The following ARMH3 variants were observed in gnomAD, a reference collection of about 807,000 sequenced individuals.
ARMH3 encodes armadillo like helical domain containing 3.
In ARMH3, 60 loss-of-function variants were observed where a neutral mutation model predicts 99.1. The observed-to-expected ratio is 0.61, with a 90% CI of 0.49 to 0.75. The LOEUF is 0.75. Among genes scored for constraint, ARMH3 ranks in the 30% least tolerant of loss-of-function variants. The pLI is 0.00. For synonymous variants in ARMH3, 285 were observed against 292.8 expected (o/e 0.97, Z 0.27); for missense variants, 679 against 843.1 (o/e 0.81, Z 2.41).
intron 24 of ARMH3, among the ~76,000 whole-genome samples, chr10:101,884,719 C>T (rs139507107): frequency 3.5e-4 from 53 of 152,092 alleles, no homozygotes; most frequent in Non-Finnish European, 1.2e-4. Flanking sequence ...TTGGCAATAA[C>T]TTCTTGGACT....
At chr10:101,900,855 A>C (rs1232255784) in intron 23 of ARMH3, among the ~76,000 whole-genome samples, 1 of 152,088 alleles carries the variant, frequency 6.6e-6, no homozygotes, top group Non-Finnish European at 1.5e-5. Context: ...CATAATGTGC[A>C]CACCTATAGC....
At chr10:101,971,287 A>C (rs186046266) in intron 20 of ARMH3, among the ~76,000 whole-genome samples, 3 of 152,124 alleles carry the variant, frequency 2.0e-5, no homozygotes, top group African/African-American at 7.2e-5. Flanking sequence ...GTAAATAAAG[A>C]AAAAATACTG....
At chr10:102,021,101 G>A (rs2066874394) in intron 8 of ARMH3, among the ~76,000 whole-genome samples, 1 of 152,122 alleles carries the variant, frequency 6.6e-6, no homozygotes, top group African/African-American at 2.4e-5. Flanking sequence ...TTTTGAGACA[G>A]GATGTGGCTT....
At chr10:102,031,597 T>A (rs1359628293) in intron 4 of ARMH3, among the ~76,000 whole-genome samples, 1 of 152,196 alleles carries the variant, frequency 6.6e-6, no homozygotes, top group Non-Finnish European at 1.5e-5. Context: ...TTCTGGGACA[T>A]CAACTCAAGA....
At chr10:101,895,064 G>C (rs2067790643) in intron 23 of ARMH3, among the ~76,000 whole-genome samples, 1 of 152,000 alleles carries the variant, frequency 6.6e-6, no homozygotes, top group African/African-American at 2.4e-5. Context: ...CAATGAATGA[G>C]AAAACATAGC....
chr10:101,892,154 G>A (rs1284760177), intron 23 of ARMH3, among the ~76,000 whole-genome samples: 1 of 151,772 alleles, frequency 6.6e-6, no homozygotes, highest in Non-Finnish European at 1.5e-5. Context: ...ACAACAAAAT[G>A]GGTGCGTGGG....
chr10:101,901,397 C>T (rs2067974555), intron 23 of ARMH3, among the ~76,000 whole-genome samples: 1 of 152,008 alleles, frequency 6.6e-6, no homozygotes, highest in Admixed American at 6.6e-5. Context: ...AGCAAGTCTG[C>T]CAAAGTAATT....
At chr10:101,871,543 G>A (rs533979624) in intron 24 of ARMH3, among the ~76,000 whole-genome samples, 4 of 152,082 alleles carry the variant, frequency 2.6e-5, no homozygotes, top group Non-Finnish European at 5.9e-5. Context: ...TTTACAATGC[G>A]CCTAAGTACC....
chr10:101,892,706 A>G (rs1157643132), intron 23 of ARMH3, among the ~76,000 whole-genome samples: 1 of 152,246 alleles, frequency 6.6e-6, no homozygotes, highest in Admixed American at 6.5e-5. Flanking sequence ...AGAGGGCTAA[A>G]TCTTAGAGGG....
chr10:101,927,753 T>G (rs1289583615), intron 23 of ARMH3, among the ~76,000 whole-genome samples: 1 of 152,002 alleles, frequency 6.6e-6, no homozygotes, highest in Non-Finnish European at 1.5e-5. Context: ...GGCAACATAG[T>G]GAGATCCTGT....
At chr10:101,892,289 AAATAAT>A (rs997593852) in intron 23 of ARMH3, among the ~76,000 whole-genome samples, 10 of 150,420 alleles carry the variant, frequency 6.6e-5, no homozygotes, top group Admixed American at 2.0e-4. Flanking sequence ...TACAAAATAA[AAATAAT>A]AATAATAATA....
intron 24 of ARMH3, among the ~76,000 whole-genome samples, chr10:101,864,884 A>AT (rs1014878114): frequency 4.4e-4 from 45 of 102,172 alleles, no homozygotes; most frequent in African/African-American, 9.7e-4. Context: ...TAGAACTTAA[A>AT]TTTAAAAAAA....
chr10:101,959,241 G>A (rs1370523241), intron 20 of ARMH3, among the ~76,000 whole-genome samples: 1 of 152,164 alleles, frequency 6.6e-6, no homozygotes, highest in Non-Finnish European at 1.5e-5. Flanking sequence ...AATGGGGCTA[G>A]CTAAAATTCA....
chr10:102,009,137 T>A (rs2066574542), intron 13 of ARMH3, among the ~76,000 whole-genome samples: 1 of 152,110 alleles, frequency 6.6e-6, no homozygotes, highest in Non-Finnish European at 1.5e-5. Context: ...GTTAACAGGA[T>A]CAATAAATTG....
Position 101,873,923 on chromosome 10 carries a change from C to T in ARMH3, c.1860+15489G>A, listed in dbSNP as rs1295327806. Reference sequence around the variant, plus strand: ...TAGGTTGTTTCTACTTTTTGGTCATCCTAAATAATACCGCTATGAACATCT... The same window carrying T: ...TAGGTTGTTTCTACTTTTTGGTCATTCTAAATAATACCGCTATGAACATCT... On this transcript the variant is annotated intron_variant, in intron 24 of 25. Coordinates refer to ENST00000370033, the MANE Select transcript of ARMH3 (RefSeq NM_024541.3). 2.0e-5 allele frequency among the ~76,000 whole-genome samples: 3 copies of T among 152,068 alleles called. No individual in the cohort carries two copies. In the East Asian group the frequency reaches 5.8e-4, roughly 29 times the overall value.
chr10:102,056,046 G>A (rs1045424915), intron 1 of ARMH3, 39 bp downstream of exon 1: 5 of 152,298 alleles, frequency 3.3e-5, no homozygotes, highest in African/African-American at 1.2e-4. Flanking sequence ...GGGTTGGTCA[G>A]GTTCGAGGAC....
Position 102,033,508 on chromosome 10 carries a change from C to G in ARMH3, c.103-169G>C, listed in dbSNP as rs1313250419. 12 of 703,588 alleles carry G rather than the reference C, an allele frequency of 1.7e-5. No homozygotes were observed. In the South Asian group the frequency reaches 1.8e-4, roughly 11 times the overall value. The allele number at this position is 703,588 out of a possible 1,614,324, so 43.6% of individuals were successfully genotyped here. The stretch of plus-strand genomic sequence containing the variant: ...TCTCGGCTCACTGCAGGCTCCGCCC[C>G]CCAGGGTTCACGCCATTCCCCCGCC... On this transcript the variant is annotated intron_variant, in intron 2 of 25. Coordinates refer to ENST00000370033, the MANE Select transcript of ARMH3 (RefSeq NM_024541.3).
chr10:101,963,861 G>T (rs988866878), intron 20 of ARMH3, among the ~76,000 whole-genome samples: 2 of 151,550 alleles, frequency 1.3e-5, no homozygotes, highest in Non-Finnish European at 2.9e-5. Flanking sequence ...GTTAAAGTAG[G>T]GGTTCTCTTT....
intron 1 of ARMH3, among the ~76,000 whole-genome samples, chr10:102,040,552 G>C (rs1307569899): frequency 6.6e-6 from 1 of 152,218 alleles, no homozygotes. Context: ...AAACAACCAT[G>C]CTACAGAGCT....
Sources: gnomAD v4.1 joint callset for allele counts (sites outside exome capture counted in the v4.1 genomes callset) on GRCh38, gnomAD v4.1.1 for gene constraint, MANE v1.5 for transcripts, NCBI Gene and HGNC (gene_info 2026-07-23, HGNC 2026-07-21) for gene names.